Variants in CDC42BPA observed in about 807,000 individuals in gnomAD.
CDC42BPA encodes serine/threonine-protein kinase MRCK alpha.
CDC42BPA carries 80 observed loss-of-function variants against 223.5 expected under a neutral mutation model. The observed-to-expected ratio is 0.36, with a 90% CI of 0.30 to 0.43. CDC42BPA has a LOEUF of 0.43. Among genes scored for constraint, CDC42BPA ranks in the 20% least tolerant of loss-of-function variants. The pLI, the probability that CDC42BPA is intolerant of heterozygous loss-of-function variation, is 1.00. For missense variants in CDC42BPA, 1,743 were observed against 2,099.9 expected, an observed-to-expected ratio of 0.83 and a Z score of 3.32; for synonymous variants, 694 against 718.6, an observed-to-expected ratio of 0.97 and a Z score of 0.55.
chr1:227,133,191 CTG>C, intron 10 of CDC42BPA, among the ~76,000 whole-genome samples: 3 of 150,580 alleles, frequency 2.0e-5, no homozygotes, highest in African/African-American at 7.3e-5. Context: ...GCCTGGCCGG[CTG>C]CCCCGTCTGG....
intron 23 of CDC42BPA, among the ~76,000 whole-genome samples, chr1:227,044,970 A>T (rs991684762): frequency 6.6e-6 from 1 of 152,138 alleles, no homozygotes; most frequent in African/African-American, 2.4e-5. Context: ...TATTTACCAC[A>T]TGGTCAAACA....
intron 3 of CDC42BPA, among the ~76,000 whole-genome samples, chr1:227,211,971 G>T (rs1673996673): frequency 6.6e-6 from 1 of 152,028 alleles, no homozygotes; most frequent in African/African-American, 2.4e-5. Flanking sequence ...ATGACCTCTG[G>T]GAGTTAGAGA....
chr1:226,995,472 G>A (rs1661426273), intron 35 of CDC42BPA, among the ~76,000 whole-genome samples: 1 of 151,648 alleles, frequency 6.6e-6, no homozygotes, highest in East Asian at 1.9e-4. Flanking sequence ...AAACAGATGC[G>A]CTAAATGAGG....
chr1:227,038,705 G>A (rs569533819), intron 24 of CDC42BPA, among the ~76,000 whole-genome samples: 1 of 152,334 alleles, frequency 6.6e-6, no homozygotes, highest in Admixed American at 6.5e-5. Flanking sequence ...TTTTAAACAA[G>A]TGGGATCAAG....
intron 1 of CDC42BPA, among the ~76,000 whole-genome samples, chr1:227,296,103 T>C (rs1166230320): frequency 2.6e-5 from 4 of 152,164 alleles, no homozygotes; most frequent in Non-Finnish European, 5.9e-5. Flanking sequence ...CCTTTTCAAT[T>C]TCAAAACTTA....
chr1:227,278,670 T>G (rs545082634), intron 1 of CDC42BPA, among the ~76,000 whole-genome samples: 1 of 152,176 alleles, frequency 6.6e-6, no homozygotes, highest in East Asian at 1.9e-4. Flanking sequence ...TAATTGCGTT[T>G]TGGGGTCCTA....
chr1:227,264,908 A>C lies in CDC42BPA; in HGVS notation c.179-10753T>G, dbSNP rs1684718919. On this transcript the variant is annotated intron_variant, in intron 1 of 36. Coordinates refer to ENST00000366766, the MANE Select transcript of CDC42BPA (RefSeq NM_001394014.1). ...CAATTCCTCTTCTGAAACCTCAGAT[A>C]CCAGCTCAATACCCCACTCGGTATA... is the stretch of plus-strand genomic sequence containing the variant. 5 of 1,419,154 alleles carry C rather than the reference A, an allele frequency of 3.5e-6. No homozygotes were observed. The African/African-American group carries it at 5.6e-5, about 16-fold the overall frequency. The allele number at this position is 1,419,154 out of a possible 1,614,324, so 87.9% of individuals were successfully genotyped here. A position where few individuals can be genotyped will look rare whatever the true frequency, so the allele number is the denominator to read the frequency against.
Position 227,160,561 on chromosome 1 carries a change from C to T in CDC42BPA, c.675G>A (p.Lys225=), listed in dbSNP as rs757669377. The change falls in exon 6 of 37, where the codon AAG becomes AAA. Residue 225 remains lysine (K), a synonymous_variant. Transcript: ENST00000366766. ...TATTTACCGTTCCATCTTCCATCAG[C>T]TTCAGACAAGAACCAAAATCTGCTA... ...IRLADFGSCL[K]LMEDGTVQSS... 3.8e-6 allele frequency: 6 copies of T among 1,599,662 alleles called. No individual in the cohort carries two copies. Among genetic ancestry groups the T allele is most frequent in the Admixed American group, 1.7e-5 (1 of 59,952 alleles).
intron 3 of CDC42BPA, among the ~76,000 whole-genome samples, chr1:227,207,020 T>C (rs12723790): frequency 6.7e-6 from 1 of 149,908 alleles, no homozygotes; most frequent in East Asian, 2.0e-4. Flanking sequence ...CATGTTGGTG[T>C]GCTGCACCCA....
intron 5 of CDC42BPA, among the ~76,000 whole-genome samples, chr1:227,189,958 T>C (rs994885636): frequency 6.6e-6 from 1 of 152,204 alleles, no homozygotes; most frequent in Non-Finnish European, 1.5e-5. Context: ...TCAAATTTCA[T>C]TGCCTGAAAT....
rs762053351 is a variant in CDC42BPA at position 227,059,424 on chromosome 1, AAGG to A, written c.2905-7442_2905-7440del. ...AGGATGGAGAGCGCTTCAACAGAGA[AAGG>A]AGAATAGGACATGTTACAAATATTT... On this transcript the variant is annotated intron_variant, in intron 21 of 36. Transcript: ENST00000366766. 3 of 1,558,858 alleles carry A rather than the reference AAGG, an allele frequency of 1.9e-6. No individual in the cohort carries two copies. The South Asian group carries it at 3.6e-5, about 18-fold the overall frequency.
intron 1 of CDC42BPA, among the ~76,000 whole-genome samples, chr1:227,284,834 C>T (rs540774089): frequency 8.5e-5 from 13 of 152,070 alleles, no homozygotes; most frequent in African/African-American, 2.7e-4. Context: ...TGATGGTACA[C>T]GTCTGTCATC....
chr1:227,300,939 C>T (rs963926880), intron 1 of CDC42BPA, among the ~76,000 whole-genome samples: 2 of 152,192 alleles, frequency 1.3e-5, no homozygotes, highest in African/African-American at 2.4e-5. Flanking sequence ...ATAGTTGACA[C>T]GTATTCTGAT....
At chr1:227,097,949 TCACC>T (rs1257839054) in intron 15 of CDC42BPA, among the ~76,000 whole-genome samples, 4 of 152,176 alleles carry the variant, frequency 2.6e-5, no homozygotes, top group Non-Finnish European at 4.4e-5. Flanking sequence ...ATCTCTCAAG[TCACC>T]CACTTAGCCC....
chr1:227,174,089 AT>A, intron 5 of CDC42BPA, among the ~76,000 whole-genome samples: 1 of 152,260 alleles, frequency 6.6e-6, no homozygotes, highest in African/African-American at 2.4e-5. Flanking sequence ...TTTTAACTAT[AT>A]TTTTAACTAT....
intron 34 of CDC42BPA, among the ~76,000 whole-genome samples, chr1:227,008,689 T>C (rs1664581882): frequency 6.6e-6 from 1 of 152,136 alleles, no homozygotes; most frequent in South Asian, 2.1e-4. Flanking sequence ...AAAACATGCA[T>C]TAATACCACT....
At chr1:227,125,321 T>A (rs1689368813) in intron 11 of CDC42BPA, among the ~76,000 whole-genome samples, 1 of 151,736 alleles carries the variant, frequency 6.6e-6, no homozygotes, top group Non-Finnish European at 1.5e-5. Context: ...AAGAGTGGTG[T>A]CAGAAAAATG....
intron 2 of CDC42BPA, among the ~76,000 whole-genome samples, chr1:227,233,685 G>A (rs968479068): frequency 6.6e-6 from 1 of 152,122 alleles, no homozygotes; most frequent in African/African-American, 2.4e-5. Context: ...TGTAATCACA[G>A]AATTTTGGAG....
chr1:227,263,746 TA>T (rs1364868774), intron 1 of CDC42BPA, among the ~76,000 whole-genome samples: 5 of 152,034 alleles, frequency 3.3e-5, no homozygotes, highest in African/African-American at 4.8e-5. Flanking sequence ...CATGCCCGGC[TA>T]ATTTTTGTAT....
Sources: gnomAD v4.1 joint callset for allele counts (sites outside exome capture counted in the v4.1 genomes callset) on GRCh38, gnomAD v4.1.1 for gene constraint, MANE v1.5 for transcripts, NCBI Gene and HGNC (gene_info 2026-07-23, HGNC 2026-07-21) for gene names.